Variants in RAPGEF1 observed in about 807,000 individuals in gnomAD.
RAPGEF1 encodes the protein Rap guanine nucleotide exchange factor 1.
Under a neutral mutation model 143.3 loss-of-function variants are expected in RAPGEF1, and 33 were observed. That is an observed-to-expected ratio of 0.23 (90% CI 0.17 to 0.31). RAPGEF1 has a LOEUF of 0.31. Among genes scored for constraint, RAPGEF1 ranks in the 10% least tolerant of loss-of-function variants. The probability of loss-of-function intolerance (pLI) is 1.00; values close to 1 mark genes in which losing one functional copy is unlikely to be tolerated. For missense variants in RAPGEF1, 1,199 were observed against 1,645.4 expected (o/e 0.73, Z 4.69); for synonymous variants, 629 against 676.5 (o/e 0.93, Z 1.09).
At chr9:131,617,126 G>A (rs1959129077) in intron 12 of RAPGEF1, among the ~76,000 whole-genome samples, 1 of 152,186 alleles carries the variant, frequency 6.6e-6, no homozygotes, top group Admixed American at 6.5e-5. Flanking sequence ...GAACAGTCCA[G>A]TTCATTCATA....
chr9:131,601,171 C>CA (rs11305443), intron 15 of RAPGEF1, among the ~76,000 whole-genome samples: 23,211 of 79,164 alleles, frequency 0.29, 4,116 homozygotes, highest in Non-Finnish European at 0.38. Flanking sequence ...GACTCCGTCT[C>CA]AAAAAAAAAA....
chr9:131,621,756 A>G lies in RAPGEF1; in HGVS notation c.1905+40T>C. ...TCATTCTGGTTCCTAGAGACCTGCT[A>G]GGATCGGAAGTTCTAGTCACAAGGG... On this transcript the variant is annotated intron_variant, in intron 11 of 26. Coordinates refer to ENST00000683357, the MANE Select transcript of RAPGEF1 (RefSeq NM_001377935.1). The surrounding 1 kb of genome is among the most constrained non-coding windows in gnomAD (Gnocchi z 4.5). 1.9e-6 allele frequency: 3 copies of G among 1,540,460 alleles called. No homozygotes were observed. Among genetic ancestry groups the G allele is most frequent in the South Asian group, 1.2e-5 (1 of 85,254 alleles).
Position 131,650,198 on chromosome 9 carries a change from C to G in RAPGEF1, c.246G>C (p.Leu82Phe). 1 of 1,613,904 alleles carries G rather than the reference C, an allele frequency of 6.2e-7. No individual in the cohort carries two copies. The highest frequency in any genetic ancestry group is 1.7e-4 in the Middle Eastern group (1 of 6,058). Residue 82 changes from leucine (L) to phenylalanine (F), a missense_variant, in exon 3 of 27, where the codon TTG becomes TTC. Physicochemically the swap from Leu to Phe is conservative, Grantham distance 22. Around this residue, in one of 6 missense-constraint regions of RAPGEF1, gnomAD observed 613 missense variants for 710.9 expected, o/e 0.86. Coordinates refer to ENST00000683357, the MANE Select transcript of RAPGEF1 (RefSeq NM_001377935.1). The surrounding 1 kb of genome is among the most constrained non-coding windows in gnomAD (Gnocchi z 4.7). ...RFLPEGYPLP[L>F]DLEQQAVEFM... ...ATTCTACTGCCTGCTGCTCCAGATC[C>G]AAGGGGAGAGGGTAGCCCTCTGGTA...
intron 1 of RAPGEF1, among the ~76,000 whole-genome samples, chr9:131,656,296 T>C (rs1972469365): frequency 6.6e-6 from 1 of 152,244 alleles, no homozygotes; most frequent in Non-Finnish European, 1.5e-5. Flanking sequence ...ATCTGGCTTT[T>C]AGCCTATTAG....
At position 131,641,308 on chromosome 9, in the gene RAPGEF1, A is replaced by G. The variant is rs1293558556; in HGVS notation, c.494+1931T>C. 6.6e-6 allele frequency among the ~76,000 whole-genome samples: 1 copy of G among 152,048 alleles called. No individual in the cohort carries two copies. Among genetic ancestry groups the G allele is most frequent in the African/African-American group, 2.4e-5 (1 of 41,388 alleles). Reference sequence around the variant, plus strand: ...CCCTCTCGTCCATGCTCTAGGACATATACCCTCTGCCCATGACTGCCCGAG... The same window carrying G: ...CCCTCTCGTCCATGCTCTAGGACATGTACCCTCTGCCCATGACTGCCCGAG... On this transcript the variant is annotated intron_variant, in intron 4 of 26. Transcript: ENST00000683357. The surrounding 1 kb of genome is among the most constrained non-coding windows in gnomAD (Gnocchi z 4.6).
At chr9:131,609,465 C>T (rs183491903) in intron 12 of RAPGEF1, among the ~76,000 whole-genome samples, 6 of 152,258 alleles carry the variant, frequency 3.9e-5, no homozygotes, top group South Asian at 2.1e-4. Flanking sequence ...CTGCAGGGTA[C>T]AGCCTCACCA....
At chr9:131,631,728 G>C (rs535209186) in intron 5 of RAPGEF1, among the ~76,000 whole-genome samples, 42 of 152,354 alleles carry the variant, frequency 2.8e-4, no homozygotes, top group African/African-American at 8.2e-4. Context: ...ATAAGGCAAA[G>C]AGTCAGTTAC....
chr9:131,709,880 T>C (rs1346634435), intron 1 of RAPGEF1: 1 of 985,234 alleles, frequency 1.0e-6, no homozygotes, highest in African/African-American at 1.7e-5. Context: ...CAAAATCCCT[T>C]TGGCCCCAGG....
intron 25 of RAPGEF1, among the ~76,000 whole-genome samples, chr9:131,582,097 C>T (rs1269927811): frequency 6.6e-6 from 1 of 152,214 alleles, no homozygotes; most frequent in Admixed American, 6.5e-5. Context: ...CTATGAAACA[C>T]ATATTTCCTC....
At chr9:131,626,828 C>T (rs1008912026) in intron 9 of RAPGEF1, among the ~76,000 whole-genome samples, 5 of 152,176 alleles carry the variant, frequency 3.3e-5, no homozygotes, top group African/African-American at 4.8e-5. Flanking sequence ...GAGGGCCACG[C>T]GGTGGCTCAC....
At chr9:131,656,540 C>A (rs1972520306) in intron 1 of RAPGEF1, among the ~76,000 whole-genome samples, 1 of 152,154 alleles carries the variant, frequency 6.6e-6, no homozygotes, top group African/African-American at 2.4e-5. Context: ...GAAGTCTGGG[C>A]AGGATGCGTG....
chr9:131,685,935 T>G (rs1016716544), intron 1 of RAPGEF1, among the ~76,000 whole-genome samples: 3 of 152,026 alleles, frequency 2.0e-5, no homozygotes, highest in African/African-American at 7.2e-5. Flanking sequence ...ACTCTCCAAT[T>G]TAGTCAGAGC....
At chr9:131,680,710 T>G (rs1832836149) in intron 1 of RAPGEF1, among the ~76,000 whole-genome samples, 1 of 152,236 alleles carries the variant, frequency 6.6e-6, no homozygotes, top group Admixed American at 6.5e-5. Context: ...GAAACAATGC[T>G]AATGACTGGC....
chr9:131,641,270 C>G lies in RAPGEF1; in HGVS notation c.494+1969G>C, dbSNP rs940475628. On this transcript the variant is annotated intron_variant, in intron 4 of 26. Transcript: ENST00000683357. This position sits in a 1 kb window ranked among gnomAD's most constrained non-coding sequence, Gnocchi z 4.6. Reference sequence around the variant, plus strand: ...GAGGGTGCAGGGTGATCAGTCGCCTCTTCCCACTGTTCCCCTCTCGTCCAT... The same window carrying G: ...GAGGGTGCAGGGTGATCAGTCGCCTGTTCCCACTGTTCCCCTCTCGTCCAT... Among the ~76,000 whole-genome samples the G allele has an allele frequency of 1.3e-5, 2 of 152,156 alleles. No homozygotes were observed. Among genetic ancestry groups the G allele is most frequent in the African/African-American group, 4.8e-5 (2 of 41,424 alleles).
intron 1 of RAPGEF1, among the ~76,000 whole-genome samples, chr9:131,695,148 C>T (rs1397458604): frequency 6.6e-6 from 1 of 152,156 alleles, no homozygotes; most frequent in Non-Finnish European, 1.5e-5. Flanking sequence ...TGGCATGCAG[C>T]ACATGTCTAA....
chr9:131,632,402 C>G (rs1279263794), intron 5 of RAPGEF1, among the ~76,000 whole-genome samples: 2 of 151,612 alleles, frequency 1.3e-5, no homozygotes, highest in East Asian at 3.9e-4. Flanking sequence ...GCTGGGATTA[C>G]AGGCGTGAGC....
At chr9:131,663,554 G>A (rs555644759) in intron 1 of RAPGEF1, among the ~76,000 whole-genome samples, 1 of 151,940 alleles carries the variant, frequency 6.6e-6, no homozygotes, top group South Asian at 2.1e-4. Context: ...GGAGGCAGGA[G>A]GGACGGGACT....
intron 1 of RAPGEF1, among the ~76,000 whole-genome samples, chr9:131,739,545 C>G (rs1020461089): frequency 1.3e-5 from 2 of 150,932 alleles, no homozygotes; most frequent in Non-Finnish European, 3.0e-5. Context: ...GGGCCCCGCC[C>G]GGCCCGGCCC....
At chr9:131,662,530 G>C (rs1173692158) in intron 1 of RAPGEF1, among the ~76,000 whole-genome samples, 1 of 151,544 alleles carries the variant, frequency 6.6e-6, no homozygotes, top group African/African-American at 2.4e-5. Context: ...ACTATGCCTG[G>C]CTAATTTTTT....
Sources: gnomAD v4.1 joint callset for allele counts (sites outside exome capture counted in the v4.1 genomes callset) on GRCh38, gnomAD v4.1.1 for gene constraint, gnomAD v4.1.1 regional missense constraint, Gnocchi (gnomAD v3.1) non-coding constraint, MANE v1.5 for transcripts, NCBI Gene and HGNC (gene_info 2026-07-23, HGNC 2026-07-21) for gene names.